The following RBFOX1 variants were observed in gnomAD, a reference collection of about 807,000 sequenced individuals.
RBFOX1 encodes the protein RNA binding protein fox-1 homolog 1.
RBFOX1 carries 8 observed loss-of-function variants against 57.7 expected under a neutral mutation model. That is an observed-to-expected ratio of 0.14 (90% CI 0.08 to 0.25). RBFOX1 has a LOEUF of 0.25. RBFOX1 is among the 10% of genes least tolerant of loss of function. The probability of loss-of-function intolerance (pLI) is 1.00; values close to 1 mark genes in which losing one functional copy is unlikely to be tolerated. For missense variants in RBFOX1, 611 were observed against 548.5 expected, an observed-to-expected ratio of 1.11 and a Z score of -1.14; for synonymous variants, 326 against 222.4, an observed-to-expected ratio of 1.47 and a Z score of -4.15.
intron 2 of RBFOX1, among the ~76,000 whole-genome samples, chr16:6,504,351 C>T (rs572275171): frequency 2.0e-5 from 3 of 152,222 alleles, no homozygotes; most frequent in East Asian, 3.9e-4. Flanking sequence ...CACCATCAGA[C>T]AGTTTATTTC....
chr16:6,191,877 G>C lies in RBFOX1; in HGVS notation c.-126-125118G>C, dbSNP rs57628026. 3.1e-3 allele frequency among the ~76,000 whole-genome samples: 472 copies of C among 152,244 alleles called. 3 individuals carry two copies. The highest frequency in any genetic ancestry group is 0.011 in the African/African-American group (442 of 41,546). On this transcript the variant is annotated intron_variant, in intron 1 of 15. Coordinates refer to ENST00000550418, the MANE Select transcript of RBFOX1 (RefSeq NM_018723.4). Reference sequence around the variant, plus strand: ...CTAACAGAAACCTCGTGATTTGAAGGGGGGAGAATCATCTCTGCAATTATG... The same window carrying C: ...CTAACAGAAACCTCGTGATTTGAAGCGGGGAGAATCATCTCTGCAATTATG...
intron 1 of RBFOX1, among the ~76,000 whole-genome samples, chr16:6,242,930 A>G (rs1354175970): frequency 1.3e-5 from 2 of 152,166 alleles, no homozygotes; most frequent in South Asian, 2.1e-4. Flanking sequence ...AAAGATGTGT[A>G]TGTTTGGAAA....
chr16:7,638,091 T>C lies in RBFOX1; in HGVS notation c.757+7408T>C, dbSNP rs570290262. Among the ~76,000 whole-genome samples, 34 of 152,268 alleles carry C rather than the reference T, an allele frequency of 2.2e-4. No individual in the cohort carries two copies. In the East Asian group the frequency reaches 4.3e-3, roughly 19 times the overall value. On this transcript the variant is annotated intron_variant, in intron 11 of 15. Coordinates refer to ENST00000550418, the MANE Select transcript of RBFOX1 (RefSeq NM_018723.4). ...TGATCTATCTCCATTACAGAGTTTT[T>C]TGGTGTTTCCTCCCTTCCACCCCCC...
At chr16:7,096,388 C>T (rs918793627) in intron 4 of RBFOX1, among the ~76,000 whole-genome samples, 5 of 152,090 alleles carry the variant, frequency 3.3e-5, no homozygotes, top group Admixed American at 1.3e-4. Context: ...TATTTTTCTC[C>T]GTGTCCCCCA....
intron 4 of RBFOX1, among the ~76,000 whole-genome samples, chr16:7,070,046 C>G (rs768408694): frequency 2.6e-5 from 4 of 152,214 alleles, no homozygotes; most frequent in Non-Finnish European, 5.9e-5. Flanking sequence ...CCCTCCTCCT[C>G]TTTTTCCTCT....
At chr16:6,489,126 T>A in intron 2 of RBFOX1, among the ~76,000 whole-genome samples, 1 of 152,172 alleles carries the variant, frequency 6.6e-6, no homozygotes, top group East Asian at 1.9e-4. Context: ...TCCAATTTAC[T>A]TACTCTTTAG....
intron 3 of RBFOX1, among the ~76,000 whole-genome samples, chr16:6,909,979 C>G (rs944471837): frequency 2.5e-4 from 38 of 152,014 alleles, no homozygotes; most frequent in African/African-American, 9.2e-4. Flanking sequence ...GCTCCTCAGG[C>G]AGATCTCTCT....
intron 2 of RBFOX1, among the ~76,000 whole-genome samples, chr16:6,641,601 G>C (rs144480692): frequency 0.033 from 5,071 of 151,914 alleles, 281 homozygotes; most frequent in East Asian, 0.21. Context: ...TGGGTGTGAT[G>C]GTGGGTGCCT....
At chr16:5,454,837 TTTCCTTTCTTTCTTTCTTTTC>T (rs2068538763) in intron 1 of RBFOX1, among the ~76,000 whole-genome samples, 1 of 140,070 alleles carries the variant, frequency 7.1e-6, no homozygotes, top group Non-Finnish European at 1.5e-5. Context: ...CCTTGCTTTC[TTTCCTTTCTTTCTTTCTTTTC>T]TTTCTTTCTT....
intron 1 of RBFOX1, among the ~76,000 whole-genome samples, chr16:5,287,231 G>A (rs1459246452): frequency 1.3e-5 from 2 of 152,074 alleles, no homozygotes; most frequent in African/African-American, 2.4e-5. Flanking sequence ...TTGAGCCCAG[G>A]ATTTTGCGGT....
intron 2 of RBFOX1, among the ~76,000 whole-genome samples, chr16:5,582,326 T>C (rs1206443220): frequency 1.3e-5 from 2 of 152,058 alleles, no homozygotes; most frequent in Admixed American, 6.6e-5. Context: ...CTTAGCGAAG[T>C]TGGGCTCACC....
intron 3 of RBFOX1, among the ~76,000 whole-genome samples, chr16:6,972,048 C>G (rs1022860364): frequency 2.6e-5 from 4 of 152,146 alleles, no homozygotes; most frequent in African/African-American, 7.2e-5. Flanking sequence ...GGGTCAAAGA[C>G]TTTTGTTTCC....
rs569373700 is a variant in RBFOX1 at position 7,251,362 on chromosome 16, G to A, written c.27+199264G>A. Among the ~76,000 whole-genome samples the A allele has an allele frequency of 3.3e-5, 5 of 150,434 alleles. No individual in the cohort carries two copies. The South Asian group carries it at 8.4e-4, about 25-fold the overall frequency. ...TGACAAGAATTTATCTCTTTTTAGG[G>A]CTGAATGACATTCCATTGTAGATAC... On this transcript the variant is annotated intron_variant, in intron 4 of 15. Coordinates refer to ENST00000550418, the MANE Select transcript of RBFOX1 (RefSeq NM_018723.4).
At chr16:7,682,563 C>CTT (rs1468876385) in intron 14 of RBFOX1, among the ~76,000 whole-genome samples, 2 of 143,040 alleles carry the variant, frequency 1.4e-5, no homozygotes, top group Non-Finnish European at 3.1e-5. Flanking sequence ...TTTTTTTAAT[C>CTT]TTTTATTTTT....
rs1251474376 is a variant in RBFOX1, at chr16:7,447,437, A to AC, written c.28-70710_28-70709insC. On this transcript the variant is annotated intron_variant, in intron 4 of 15. Coordinates refer to ENST00000550418, the MANE Select transcript of RBFOX1 (RefSeq NM_018723.4). ...AACCGAGTGAGTCTATCTCAAAAAA[A>AC]AAAAAAAAAAAAAGAGAGATTCCAA... Among the ~76,000 whole-genome samples the AC allele has an allele frequency of 1.7e-3, 253 of 151,580 alleles. 1 individual carries two copies. Among genetic ancestry groups the AC allele is most frequent in the African/African-American group, 5.9e-3 (246 of 41,372 alleles).
chr16:5,353,567 C>T (rs975849323), intron 1 of RBFOX1, among the ~76,000 whole-genome samples: 3 of 151,992 alleles, frequency 2.0e-5, no homozygotes, highest in Admixed American at 1.3e-4. Context: ...CTGGTGAGGT[C>T]GTTTTGGCAG....
chr16:6,529,110 A>G lies in RBFOX1; in HGVS notation c.-63-125493A>G, dbSNP rs192401017. Among the ~76,000 whole-genome samples, 5 of 152,168 alleles carry G rather than the reference A, an allele frequency of 3.3e-5. No individual in the cohort carries two copies. The East Asian group carries it at 9.7e-4, about 29-fold the overall frequency. On this transcript the variant is annotated intron_variant, in intron 2 of 15. Transcript: ENST00000550418. ...CAAATTCTAGCTGCCACCTTGTTAT[A>G]CTCCGAAATGTGGTGAATTTGTGCC...
At chr16:7,001,543 G>A (rs557916367) in intron 3 of RBFOX1, among the ~76,000 whole-genome samples, 3 of 152,108 alleles carry the variant, frequency 2.0e-5, no homozygotes, top group Admixed American at 1.3e-4. Flanking sequence ...TGCAACCTCC[G>A]CCTCCCGGGT....
At chr16:5,598,799 T>G (rs1443239238) in intron 2 of RBFOX1, 3 of 852,486 alleles carry the variant, frequency 3.5e-6, no homozygotes, top group Non-Finnish European at 5.3e-6. Flanking sequence ...CTAAACGTGG[T>G]GAGACATTCT....
Sources: allele counts gnomAD v4.1 joint callset (sites outside exome capture counted in the v4.1 genomes callset), GRCh38; gene constraint gnomAD v4.1.1; transcripts MANE v1.5; gene names NCBI Gene and HGNC (gene_info 2026-07-23, HGNC 2026-07-21).